Variants in PPP1R2 observed in about 807,000 individuals in gnomAD.
PPP1R2 encodes the protein protein phosphatase 1 regulatory inhibitor subunit 2, also known as protein phosphatase inhibitor 2.
In PPP1R2, 16 loss-of-function variants were observed where a neutral mutation model predicts 29.9. The observed-to-expected ratio is 0.53, with a 90% CI of 0.36 to 0.81. The LOEUF (loss-of-function observed/expected upper bound fraction) is 0.81, where lower values mean the gene tolerates loss of function less well. PPP1R2 is among the 30% of genes least tolerant of loss of function. The pLI is 0.00. For synonymous variants in PPP1R2, 76 were observed against 91.5 expected (o/e 0.83, Z 0.96); for missense variants, 197 against 252.7 (o/e 0.78, Z 1.49).
intron 2 of PPP1R2, among the ~76,000 whole-genome samples, chr3:195,526,676 G>A (rs910463022): frequency 2.0e-5 from 3 of 152,000 alleles, no homozygotes; most frequent in South Asian, 2.1e-4. Flanking sequence ...GTGCAATGAC[G>A]TGATCATGGC....
intron 5 of PPP1R2, among the ~76,000 whole-genome samples, chr3:195,518,188 A>T (rs1277392462): frequency 1.3e-5 from 2 of 152,192 alleles, no homozygotes; most frequent in Non-Finnish European, 2.9e-5. Flanking sequence ...ATTTCCTATG[A>T]CAGATCAGGA....
At chr3:195,528,700 CTATTTTTTTTTTTTTTT>C (rs1315892395) in intron 2 of PPP1R2, 2 of 76,646 alleles carry the variant, frequency 2.6e-5, no homozygotes, top group Non-Finnish European at 4.7e-5. Context: ...TAGGGCATAA[CTATTTTTTTTTTTTTTT>C]TTTTTTTTTT....
In PPP1R2 at chr3:195,523,696, T is replaced by A. The variant is rs760514935; in HGVS notation, c.399A>T (p.Glu133Asp). 1 of 1,612,808 alleles carries A rather than the reference T, an allele frequency of 6.2e-7. No homozygotes were observed. The highest frequency in any genetic ancestry group is 2.2e-5 in the East Asian group (1 of 44,876). ...GCAGTAAAGGAAATAAACTACCTCGTTCTTCAGGTGAGAGGTCACTATCCT... is the reference window on the plus strand; with the variant it reads ...GCAGTAAAGGAAATAAACTACCTCGATCTTCAGGTGAGAGGTCACTATCCT... ...GEEDSDLSPEEREKKRQFEMK... is the reference protein window; with the variant it reads ...GEEDSDLSPEDREKKRQFEMK... Residue 133 changes from glutamate (E) to aspartate (D), a missense_variant, in exon 4 of 6, where the codon GAA becomes GAT. Transcript: ENST00000618156.
rs188855042 is a variant in PPP1R2, at chr3:195,537,239, A to C, written c.122+5665T>G. On this transcript the variant is annotated intron_variant, in intron 1 of 5. Coordinates refer to ENST00000618156, the MANE Select transcript of PPP1R2 (RefSeq NM_006241.8). ...TTTTTACCTTCTTAATGACTGTATAAGATTCATTTAGATTGATAACCTAAA... is the reference window on the plus strand; with the variant it reads ...TTTTTACCTTCTTAATGACTGTATACGATTCATTTAGATTGATAACCTAAA... Among the ~76,000 whole-genome samples the C allele has an allele frequency of 1.2e-3, 187 of 152,260 alleles. No individual in the cohort carries two copies. The East Asian group carries it at 0.022, about 18-fold the overall frequency.
At position 195,524,913 on chromosome 3, in the gene PPP1R2, A is replaced by G; in HGVS notation, c.231-17T>C. The G allele has an allele frequency of 6.2e-7, 1 of 1,602,170 alleles. No homozygotes were observed. The highest frequency in any genetic ancestry group is 8.5e-7 in the Non-Finnish European group (1 of 1,169,616). On this transcript the variant is annotated splice_polypyrimidine_tract_variant and intron_variant, in intron 2 of 5. Coordinates refer to ENST00000618156, the MANE Select transcript of PPP1R2 (RefSeq NM_006241.8). ...CCCATCATACTAGTATGACAAGCAC[A>G]TTGTAATTAATACCTGAAACATACA...
At position 195,528,702 on chromosome 3, in the gene PPP1R2, ATTTTTTTTTTTTTTT is replaced by A. The variant is rs1186534650; in HGVS notation, c.230+1077_230+1091del. The stretch of plus-strand genomic sequence containing the variant: ...AATACAAGGTAGGTAGGGCATAACT[ATTTTTTTTTTTTTTT>A]TTTTTTTTTTTTTTTGTAGAAAGAG... On this transcript the variant is annotated intron_variant, in intron 2 of 5. Coordinates refer to ENST00000618156, the MANE Select transcript of PPP1R2 (RefSeq NM_006241.8). 7 of 59,974 alleles carry A rather than the reference ATTTTTTTTTTTTTTT, an allele frequency of 1.2e-4. 1 individual carries two copies. Among genetic ancestry groups the A allele is most frequent in the Admixed American group, 8.8e-4 (3 of 3,428 alleles). 3.7% of individuals were successfully genotyped at this position (59,974 alleles called of 1,614,324 possible). A position where few individuals can be genotyped will look rare whatever the true frequency, so the allele number is the denominator to read the frequency against.
intron 5 of PPP1R2, 38 bp downstream of exon 5, chr3:195,518,980 A>G (rs1411517805): frequency 1.9e-6 from 3 of 1,607,376 alleles, no homozygotes; most frequent in Non-Finnish European, 2.5e-6. Flanking sequence ...GGCATAGACC[A>G]TTACAAAAGT....
chr3:195,515,987 AGAGT>A lies in PPP1R2; in HGVS notation c.*905_*908del, dbSNP rs1718530031. The A allele has an allele frequency of 6.6e-6, 1 of 152,184 alleles. No individual in the cohort carries two copies. Among genetic ancestry groups the A allele is most frequent in the Non-Finnish European group, 1.5e-5 (1 of 67,984 alleles). The allele number at this position is 152,184 out of a possible 1,614,324, so 9.4% of individuals were successfully genotyped here. A position where few individuals can be genotyped will look rare whatever the true frequency, so the allele number is the denominator to read the frequency against. ...TTTCAACATAGCAGCAAATGACAGA[AGAGT>A]GAGAGAAAGAGCTCCTAATGTGGTG... is the stretch of plus-strand genomic sequence containing the variant. On this transcript the variant is annotated 3_prime_UTR_variant, in exon 6 of 6. Transcript: ENST00000618156.
At chr3:195,519,332 T>G (rs1469127704) in intron 4 of PPP1R2, 147 bp from the exon 5 acceptor site, 2 of 604,664 alleles carry the variant, frequency 3.3e-6, no homozygotes, top group East Asian at 6.0e-5. Context: ...CAGAGTTGAG[T>G]AGTTCGTAAT....
In PPP1R2 at chr3:195,515,028, A is replaced by G; in HGVS notation, c.*1868T>C. On this transcript the variant is annotated 3_prime_UTR_variant, in exon 6 of 6. Coordinates refer to ENST00000618156, the MANE Select transcript of PPP1R2 (RefSeq NM_006241.8). ...ACTTCTACAAAAAAAAAAAAAGAGT[A>G]TGTGGGTACTTTCTAAGAACTCAGA... is the stretch of plus-strand genomic sequence containing the variant. The G allele has an allele frequency of 3.7e-6, 1 of 269,334 alleles. No homozygotes were observed. The highest frequency in any genetic ancestry group is 7.7e-6 in the Non-Finnish European group (1 of 130,528). 16.7% of individuals were successfully genotyped at this position (269,334 alleles called of 1,614,324 possible).
At chr3:195,537,481 T>TTTTGTGTGTGTGTGTGTGTGTGTGTGTG (rs150119072) in intron 1 of PPP1R2, among the ~76,000 whole-genome samples, 1,776 of 128,496 alleles carry the variant, frequency 0.014, 63 homozygotes, top group Middle Eastern at 0.02. Flanking sequence ...GGATTAGCTA[T>TTTTGTGTGTGTGTGTGTGTGTGTGTGTG]TGTGTGTGTG....
chr3:195,537,481 T>TTTTTTTTGTGTGTGTGTGTGTG (rs150119072), intron 1 of PPP1R2, among the ~76,000 whole-genome samples: 41 of 128,514 alleles, frequency 3.2e-4, no homozygotes, highest in African/African-American at 1.1e-3. Flanking sequence ...GGATTAGCTA[T>TTTTTTTTGTGTGTGTGTGTGTG]TGTGTGTGTG....
intron 1 of PPP1R2, among the ~76,000 whole-genome samples, chr3:195,539,056 T>A (rs1261029578): frequency 2.6e-5 from 4 of 152,230 alleles, no homozygotes; most frequent in African/African-American, 9.6e-5. Flanking sequence ...CATTTTCACA[T>A]CTCTGAAAAA....
intron 2 of PPP1R2, among the ~76,000 whole-genome samples, chr3:195,527,149 C>T (rs748044083): frequency 7.2e-5 from 11 of 151,862 alleles, no homozygotes; most frequent in Non-Finnish European, 1.6e-4. Context: ...GTCTTGAACT[C>T]CTGGGCAAGA....
At chr3:195,521,776 G>C (rs142380380) in intron 4 of PPP1R2, among the ~76,000 whole-genome samples, 3 of 151,888 alleles carry the variant, frequency 2.0e-5, no homozygotes, top group African/African-American at 7.3e-5. Context: ...CCAGCCTCCC[G>C]AGTAGCTGGG....
intron 4 of PPP1R2, among the ~76,000 whole-genome samples, chr3:195,522,322 C>T (rs1274655720): frequency 6.6e-6 from 1 of 152,172 alleles, no homozygotes; most frequent in Non-Finnish European, 1.5e-5. Flanking sequence ...GTTTTTCTCC[C>T]TAAGCTATCT....
Position 195,515,564 on chromosome 3 carries a change from G to A in PPP1R2, c.*1332C>T, listed in dbSNP as rs1239143482. 6.6e-6 allele frequency: 1 copy of A among 152,496 alleles called. No homozygotes were observed. Among genetic ancestry groups the A allele is most frequent in the Non-Finnish European group, 1.5e-5 (1 of 68,010 alleles). 9.4% of individuals were successfully genotyped at this position (152,496 alleles called of 1,614,324 possible). ...AGACACACAGGGCTTTCCTGCACTTGGTTGAAGGAAAAAATTCCACCTAAT... is the reference window on the plus strand; with the variant it reads ...AGACACACAGGGCTTTCCTGCACTTAGTTGAAGGAAAAAATTCCACCTAAT... On this transcript the variant is annotated 3_prime_UTR_variant, in exon 6 of 6. Coordinates refer to ENST00000618156, the MANE Select transcript of PPP1R2 (RefSeq NM_006241.8).
intron 1 of PPP1R2, among the ~76,000 whole-genome samples, chr3:195,533,747 A>G (rs1033090193): frequency 6.6e-6 from 1 of 152,216 alleles, no homozygotes; most frequent in African/African-American, 2.4e-5. Flanking sequence ...ATATTTTGTG[A>G]AGTGCCTTTT....
intron 5 of PPP1R2, among the ~76,000 whole-genome samples, 188 bp downstream of exon 5, chr3:195,518,830 A>C (rs1344762119): frequency 6.6e-6 from 1 of 152,100 alleles, no homozygotes; most frequent in Non-Finnish European, 1.5e-5. Context: ...AATCAAATCA[A>C]CTCTAGGTAT....
Sources: allele counts gnomAD v4.1 joint callset (sites outside exome capture counted in the v4.1 genomes callset), GRCh38; gene constraint gnomAD v4.1.1; transcripts MANE v1.5; gene names NCBI Gene and HGNC (gene_info 2026-07-23, HGNC 2026-07-21).